The following TMEM184B variants were observed in gnomAD, a reference collection of about 807,000 sequenced individuals.
The protein encoded by TMEM184B is transmembrane protein 184B.
A neutral mutation model predicts 41.8 loss-of-function variants in TMEM184B; 17 were observed. The observed-to-expected ratio is 0.41, with a 90% CI of 0.28 to 0.61. The LOEUF (loss-of-function observed/expected upper bound fraction) is 0.61, where lower values mean the gene tolerates loss of function less well. TMEM184B is among the 20% of genes least tolerant of loss of function. The pLI is 0.34. For synonymous variants in TMEM184B, 240 were observed against 229.5 expected, an observed-to-expected ratio of 1.05 and a Z score of -0.41; for missense variants, 393 against 557.8, an observed-to-expected ratio of 0.70 and a Z score of 2.98.
At chr22:38,218,120 T>C (rs2146031940), downstream of TMEM184B, among the ~76,000 whole-genome samples, 1 of 152,316 alleles carries the variant, frequency 6.6e-6, no homozygotes, top group East Asian at 1.9e-4. Flanking sequence ...GGAAACTATC[T>C]TCCCCATGTT....
chr22:38,219,356 T>C lies in TMEM184B; in HGVS notation c.*2113A>G, dbSNP rs2091196892. 1.0e-6 allele frequency: 1 copy of C among 985,726 alleles called. No homozygotes were observed. The highest frequency in any genetic ancestry group is 1.7e-5 in the African/African-American group (1 of 57,214). The allele number at this position is 985,726 out of a possible 1,614,324, so 61.1% of individuals were successfully genotyped here. A position where few individuals can be genotyped will look rare whatever the true frequency, so the allele number is the denominator to read the frequency against. On this transcript the variant is annotated 3_prime_UTR_variant, in exon 9 of 9. Transcript: ENST00000361906. ...CTTCCTCACTTTATTTGCTCACTTC[T>C]GTCACGCATTTAAAATGTCACAGAG... is the stretch of plus-strand genomic sequence containing the variant.
In TMEM184B at chr22:38,219,846, C is replaced by G. The variant is rs955010246; in HGVS notation, c.*1623G>C. 1.0e-6 allele frequency: 1 copy of G among 985,344 alleles called. No individual in the cohort carries two copies. Among genetic ancestry groups the G allele is most frequent in the Non-Finnish European group, 1.2e-6 (1 of 829,978 alleles). The allele number at this position is 985,344 out of a possible 1,614,324, so 61.0% of individuals were successfully genotyped here. ...CCGGGCAGCTTGGGCCCAACTGCTC[C>G]GCCCCCCCAAGATGGAGGGGGAGAG... On this transcript the variant is annotated 3_prime_UTR_variant, in exon 9 of 9. Transcript: ENST00000361906.
chr22:38,229,356 G>C lies in TMEM184B; in HGVS notation c.525+1313C>G, dbSNP rs539472139. ...TGGGCTCCACCACGCCGGGCTGAAA[G>C]CTCTACATCCATGACCTCATCTGAT... On this transcript the variant is annotated intron_variant, in intron 5 of 8. Coordinates refer to ENST00000361906, the MANE Select transcript of TMEM184B (RefSeq NM_012264.5). Among the ~76,000 whole-genome samples the C allele has an allele frequency of 2.4e-4, 36 of 152,384 alleles. 1 individual carries two copies. In the East Asian group the frequency reaches 6.7e-3, roughly 29 times the overall value.
At chr22:38,257,493 T>A (rs1363266031) in intron 1 of TMEM184B, among the ~76,000 whole-genome samples, 1 of 152,024 alleles carries the variant, frequency 6.6e-6, no homozygotes, top group Non-Finnish European at 1.5e-5. Context: ...AAGCAGCCAT[T>A]AAAACCCAGT....
At position 38,220,960 on chromosome 22, in the gene TMEM184B, C is replaced by T. The variant is rs553867123; in HGVS notation, c.*509G>A. 3 of 989,762 alleles carry T rather than the reference C, an allele frequency of 3.0e-6. No individual in the cohort carries two copies. The highest frequency in any genetic ancestry group is 3.6e-6 in the Non-Finnish European group (3 of 832,660). The allele number at this position is 989,762 out of a possible 1,614,324, so 61.3% of individuals were successfully genotyped here. A position where few individuals can be genotyped will look rare whatever the true frequency, so the allele number is the denominator to read the frequency against. ...GGGAGGACCACAGAGCGCCCACATC[C>T]CCACTCCTGCCCGGGGTGAGGTGAA... On this transcript the variant is annotated 3_prime_UTR_variant, in exon 9 of 9. Transcript: ENST00000361906.
At position 38,226,500 on chromosome 22, in the gene TMEM184B, C is replaced by T. The variant is rs1047608780; in HGVS notation, c.617+279G>A. On this transcript the variant is annotated intron_variant, in intron 6 of 8. Transcript: ENST00000361906. This position sits in a 1 kb window ranked among gnomAD's most constrained non-coding sequence, Gnocchi z 4.6. ...GCTCTGACCCTCTCGCTCCCTGCCT[C>T]AGCAGTGGTCACTGTCCCTTTGTGG... 2.5e-6 allele frequency: 1 copy of T among 395,788 alleles called. No individual in the cohort carries two copies. Among genetic ancestry groups the T allele is most frequent in the Middle Eastern group, 7.7e-4 (1 of 1,300 alleles). The allele number at this position is 395,788 out of a possible 1,614,324, so 24.5% of individuals were successfully genotyped here. A position where few individuals can be genotyped will look rare whatever the true frequency, so the allele number is the denominator to read the frequency against.
At chr22:38,228,966 C>T (rs2091532007) in intron 5 of TMEM184B, among the ~76,000 whole-genome samples, 1 of 152,210 alleles carries the variant, frequency 6.6e-6, no homozygotes, top group South Asian at 2.1e-4. Context: ...GCTCTCAATG[C>T]CCCACCCTGA....
In TMEM184B at chr22:38,247,684, C is replaced by G. The variant is rs956705083; in HGVS notation, c.192+86G>C. 1.6e-5 allele frequency: 23 copies of G among 1,471,710 alleles called. No homozygotes were observed. The African/African-American group carries it at 2.8e-4, about 18-fold the overall frequency. The allele number at this position is 1,471,710 out of a possible 1,614,324, so 91.2% of individuals were successfully genotyped here. ...GGGCTTACCTACTACTGCAGTGCAGCCTGGCCTAGCCTAGCCTAACCCACA... is the reference window on the plus strand; with the variant it reads ...GGGCTTACCTACTACTGCAGTGCAGGCTGGCCTAGCCTAGCCTAACCCACA... On this transcript the variant is annotated intron_variant, in intron 2 of 8. Coordinates refer to ENST00000361906, the MANE Select transcript of TMEM184B (RefSeq NM_012264.5).
chr22:38,229,314 C>G (rs2091543100), intron 5 of TMEM184B, among the ~76,000 whole-genome samples: 1 of 152,250 alleles, frequency 6.6e-6, no homozygotes, highest in Non-Finnish European at 1.5e-5. Context: ...GACTCTGCCT[C>G]CCTGAACAGG....
At chr22:38,257,853 G>A (rs547950301) in intron 1 of TMEM184B, among the ~76,000 whole-genome samples, 2 of 152,300 alleles carry the variant, frequency 1.3e-5, no homozygotes, top group South Asian at 2.1e-4. Flanking sequence ...AGTTTGGAGA[G>A]CAGTGCTATA....
rs756788791 is a variant in TMEM184B at position 38,247,785 on chromosome 22, G to A, written c.177C>T (p.Leu59=). 1.9e-6 allele frequency: 3 copies of A among 1,613,572 alleles called. No homozygotes were observed. The highest frequency in any genetic ancestry group is 2.2e-5 in the South Asian group (2 of 91,010). ...GCTTGGGTACCTGGTGGCATGTGAT[G>A]AGCAGGGCCGTCCACACGAAGAAGC... ...ISGFFVWTAL[L]ITCHQIYMHL... Residue 59 remains leucine, a synonymous_variant, in exon 2 of 9, where the codon CTC becomes CTT. Coordinates refer to ENST00000361906, the MANE Select transcript of TMEM184B (RefSeq NM_012264.5).
intron 1 of TMEM184B, among the ~76,000 whole-genome samples, chr22:38,255,937 C>T (rs1456914105): frequency 6.6e-6 from 1 of 152,104 alleles, no homozygotes; most frequent in Non-Finnish European, 1.5e-5. Flanking sequence ...GGTGATGAAA[C>T]AGTTTGTATC....
At chr22:38,236,834 G>A (rs1417488319) in intron 3 of TMEM184B, among the ~76,000 whole-genome samples, 1 of 152,114 alleles carries the variant, frequency 6.6e-6, no homozygotes, top group Non-Finnish European at 1.5e-5. Context: ...GGTGGAAGTC[G>A]TGAGCTTGCT....
Position 38,226,551 on chromosome 22 carries a change from C to T in TMEM184B, c.617+228G>A. ...CCCATCCCTTCATGGTACCACTCTG[C>T]AGCCTGGACATGAACGTGACTGCTG... On this transcript the variant is annotated intron_variant, in intron 6 of 8. Transcript: ENST00000361906. This position sits in a 1 kb window ranked among gnomAD's most constrained non-coding sequence, Gnocchi z 4.6. The T allele has an allele frequency of 2.0e-6, 1 of 494,192 alleles. No individual in the cohort carries two copies. Among genetic ancestry groups the T allele is most frequent in the Non-Finnish European group, 3.7e-6 (1 of 266,804 alleles). The allele number at this position is 494,192 out of a possible 1,614,324, so 30.6% of individuals were successfully genotyped here.
downstream of TMEM184B, among the ~76,000 whole-genome samples, chr22:38,217,830 C>CAAAAAA (rs374397588): frequency 1.1e-5 from 1 of 87,798 alleles, no homozygotes; most frequent in African/African-American, 4.6e-5. Flanking sequence ...GACTCCATCT[C>CAAAAAA]AAAAAAAAAA....
At chr22:38,257,381 G>C (rs1218645804) in intron 1 of TMEM184B, among the ~76,000 whole-genome samples, 2 of 152,186 alleles carry the variant, frequency 1.3e-5, no homozygotes, top group African/African-American at 4.8e-5. Flanking sequence ...TGCATACTCA[G>C]TGGACGGGAT....
rs569093527 is a variant in TMEM184B, at chr22:38,239,239, G to A, written c.358+6696C>T. 1.3e-5 allele frequency among the ~76,000 whole-genome samples: 2 copies of A among 152,278 alleles called. No individual in the cohort carries two copies. Among genetic ancestry groups the A allele is most frequent in the East Asian group, 1.9e-4 (1 of 5,176 alleles). ...ACTATGAATTCCAGCCCTCGCAGAT[G>A]GTACGTGGCACTAAGCCCTCTTCCA... On this transcript the variant is annotated intron_variant, in intron 3 of 8. Coordinates refer to ENST00000361906, the MANE Select transcript of TMEM184B (RefSeq NM_012264.5). The surrounding 1 kb of genome is among the most constrained non-coding windows in gnomAD (Gnocchi z 4.6).
chr22:38,266,554 T>G (rs939162980), intron 1 of TMEM184B, among the ~76,000 whole-genome samples: 1 of 152,232 alleles, frequency 6.6e-6, no homozygotes, highest in South Asian at 2.1e-4. Context: ...TGCAGAGAAT[T>G]TGAAACAAAG....
At chr22:38,250,931 G>A (rs2092148203) in intron 1 of TMEM184B, among the ~76,000 whole-genome samples, 3 of 152,170 alleles carry the variant, frequency 2.0e-5, no homozygotes, top group African/African-American at 7.2e-5. Context: ...AAGAGGAAAT[G>A]CACCCAGAGA....
Sources: allele counts gnomAD v4.1 joint callset (sites outside exome capture counted in the v4.1 genomes callset), GRCh38; gene constraint gnomAD v4.1.1; non-coding constraint Gnocchi (gnomAD v3.1); transcripts MANE v1.5; gene names NCBI Gene and HGNC (gene_info 2026-07-23, HGNC 2026-07-21).